Variants in LYPD6 observed in about 807,000 individuals in gnomAD.
The protein encoded by LYPD6 is LY6/PLAUR domain containing 6, also known as ly6/PLAUR domain-containing protein 6.
LYPD6 carries 15 observed loss-of-function variants against 22.7 expected under a neutral mutation model. The observed-to-expected ratio is 0.66, with a 90% CI of 0.44 to 1.02. The LOEUF is 1.02. LYPD6 is among the 50% of genes least tolerant of loss of function. The pLI is 0.00. For synonymous variants in LYPD6, 72 were observed against 77.5 expected (o/e 0.93, Z 0.37); for missense variants, 189 against 208.4 (o/e 0.91, Z 0.57).
At chr2:149,452,300 C>T (rs1680848097) in intron 3 of LYPD6, among the ~76,000 whole-genome samples, 3 of 152,222 alleles carry the variant, frequency 2.0e-5, no homozygotes. Context: ...GGTGAGGCCA[C>T]ACTCAGCTTC....
chr2:149,385,010 G>A (rs1682153385), intron 1 of LYPD6, among the ~76,000 whole-genome samples: 1 of 151,732 alleles, frequency 6.6e-6, no homozygotes, highest in African/African-American at 2.4e-5. Flanking sequence ...ATAGTTTACT[G>A]AGAATGATGA....
At chr2:149,401,252 C>T (rs1234400183) in intron 1 of LYPD6, among the ~76,000 whole-genome samples, 2 of 152,182 alleles carry the variant, frequency 1.3e-5, no homozygotes, top group Non-Finnish European at 2.9e-5. Context: ...TCTCATTGGT[C>T]AGGAATGCAC....
Position 149,334,819 on chromosome 2 carries a change from G to A in LYPD6, c.-72+4097G>A, listed in dbSNP as rs578151595. 2.0e-5 allele frequency among the ~76,000 whole-genome samples: 3 copies of A among 151,144 alleles called. No individual in the cohort carries two copies. The South Asian group carries it at 6.3e-4, about 32-fold the overall frequency. ...ATTAGAGTTAAAAAAGGAAAATACA[G>A]TCATGCACCTCATAACAATGTTTGG... On this transcript the variant is annotated intron_variant, in intron 1 of 4. Transcript: ENST00000334166.
At chr2:149,479,920 C>T in the LYPD6 span, among the ~76,000 whole-genome samples, 1 of 152,144 alleles carries the variant, frequency 6.6e-6, no homozygotes, top group Admixed American at 6.5e-5. Flanking sequence ...CAGCAAGTCC[C>T]CCTGCACTGG....
chr2:149,424,115 G>C (rs573730545), intron 1 of LYPD6, among the ~76,000 whole-genome samples: 1 of 135,744 alleles, frequency 7.4e-6, no homozygotes, highest in African/African-American at 3.3e-5. Flanking sequence ...TGTAGCATGC[G>C]TACACATGTC....
chr2:149,352,296 G>A (rs1453010207), intron 1 of LYPD6, among the ~76,000 whole-genome samples: 2 of 152,186 alleles, frequency 1.3e-5, no homozygotes, highest in African/African-American at 4.8e-5. Context: ...TGGGGCTCCG[G>A]AAGGCAAAAC....
Position 149,437,641 on chromosome 2 carries a change from C to T in LYPD6, c.-68C>T, listed in dbSNP as rs1419678106. On this transcript the variant is annotated 5_prime_UTR_variant, in exon 2 of 5. The change creates a premature stop within an existing upstream ORF in the 5' untranslated region. Coordinates refer to ENST00000334166, the MANE Select transcript of LYPD6 (RefSeq NM_194317.5). Reference sequence around the variant, plus strand: ...TGATTCTTTCTTCATTTTTCAGGTGCAAGTTCTCTCCTGTTGCCCTGAGTG... The same window carrying T: ...TGATTCTTTCTTCATTTTTCAGGTGTAAGTTCTCTCCTGTTGCCCTGAGTG... 6.3e-7 allele frequency: 1 copy of T among 1,591,296 alleles called. No homozygotes were observed. The highest frequency in any genetic ancestry group is 8.6e-7 in the Non-Finnish European group (1 of 1,166,930).
chr2:149,442,199 T>C (rs1360380690), intron 2 of LYPD6, among the ~76,000 whole-genome samples: 2 of 152,188 alleles, frequency 1.3e-5, no homozygotes, highest in Non-Finnish European at 1.5e-5. Flanking sequence ...TTGGTAAGGA[T>C]AGAAAAATGT....
chr2:149,330,562 C>G (rs551975771), upstream of LYPD6: 2 of 150,870 alleles, frequency 1.3e-5, no homozygotes, highest in South Asian at 4.1e-4. Flanking sequence ...CCCTAGCCGC[C>G]CCCCGCCTCT....
intron 1 of LYPD6, among the ~76,000 whole-genome samples, chr2:149,348,061 C>CAAAAAAAAAAAA (rs58228847): frequency 9.9e-4 from 76 of 76,476 alleles, no homozygotes; most frequent in Middle Eastern, 0.012. Context: ...ACTAAAAATA[C>CAAAAAAAAAAAA]AAAAAAAAAA....
At chr2:149,429,810 C>T (rs1402249103) in intron 1 of LYPD6, among the ~76,000 whole-genome samples, 1 of 152,192 alleles carries the variant, frequency 6.6e-6, no homozygotes, top group African/African-American at 2.4e-5. Context: ...CTGGGCAGCT[C>T]TCTTTTTTAT....
At chr2:149,441,689 T>C (rs1275954094) in intron 2 of LYPD6, among the ~76,000 whole-genome samples, 1 of 152,234 alleles carries the variant, frequency 6.6e-6, no homozygotes, top group Non-Finnish European at 1.5e-5. Context: ...TCCCAGCCTA[T>C]GATTCAAATA....
At chr2:149,397,305 G>C (rs1337969697) in intron 1 of LYPD6, among the ~76,000 whole-genome samples, 1 of 152,174 alleles carries the variant, frequency 6.6e-6, no homozygotes, top group Non-Finnish European at 1.5e-5. Context: ...TGGGCTGGGA[G>C]TCCCAGATGG....
chr2:149,471,027 T>A lies in LYPD6; in HGVS notation c.*177T>A. 1.8e-6 allele frequency: 1 copy of A among 551,652 alleles called. No individual in the cohort carries two copies. The highest frequency in any genetic ancestry group is 3.2e-6 in the Non-Finnish European group (1 of 316,288). 34.2% of individuals were successfully genotyped at this position (551,652 alleles called of 1,614,324 possible). The stretch of plus-strand genomic sequence containing the variant: ...ATAAATGTTGCTTCATTGTAGCCAT[T>A]TTGAGTCTAACCGAGACTCATCAAA... On this transcript the variant is annotated 3_prime_UTR_variant, in exon 5 of 5. Transcript: ENST00000334166.
intron 4 of LYPD6, among the ~76,000 whole-genome samples, chr2:149,469,279 C>T (rs1266892914): frequency 6.6e-6 from 1 of 152,156 alleles, no homozygotes; most frequent in Non-Finnish European, 1.5e-5. Flanking sequence ...GCTTAAGCTT[C>T]ACCTGGTACC....
chr2:149,356,253 C>T (rs1286089739), intron 1 of LYPD6, among the ~76,000 whole-genome samples: 2 of 152,162 alleles, frequency 1.3e-5, no homozygotes, highest in Admixed American at 6.5e-5. Flanking sequence ...CCAGACTCAA[C>T]AATCCTAGGG....
intron 1 of LYPD6, among the ~76,000 whole-genome samples, chr2:149,421,881 C>G (rs1161767613): frequency 6.6e-6 from 1 of 152,022 alleles, no homozygotes; most frequent in Non-Finnish European, 1.5e-5. Flanking sequence ...AGAAGGTCTG[C>G]CCCAGACCTT....
At chr2:149,432,828 T>A (rs1683347278) in intron 1 of LYPD6, among the ~76,000 whole-genome samples, 1 of 152,218 alleles carries the variant, frequency 6.6e-6, no homozygotes, top group South Asian at 2.1e-4. Flanking sequence ...ATATTGAATC[T>A]ATTATTTTAG....
intron 1 of LYPD6, among the ~76,000 whole-genome samples, chr2:149,375,120 G>T (rs754605017): frequency 2.0e-5 from 3 of 152,196 alleles, no homozygotes; most frequent in Admixed American, 2.0e-4. Context: ...TAGAATCACA[G>T]TGCCTTCGTA....
Sources: gnomAD v4.1 joint callset for allele counts (sites outside exome capture counted in the v4.1 genomes callset) on GRCh38, gnomAD v4.1.1 for gene constraint, MANE v1.5 for transcripts, NCBI Gene and HGNC (gene_info 2026-07-23, HGNC 2026-07-21) for gene names.